Variants in ZC3H14 observed in about 807,000 individuals in gnomAD.
The protein encoded by ZC3H14 is zinc finger CCCH-type containing 14.
A neutral mutation model predicts 92.4 loss-of-function variants in ZC3H14; 31 were observed. The observed-to-expected ratio is 0.34, with a 90% confidence interval of 0.25 to 0.45. The LOEUF (loss-of-function observed/expected upper bound fraction) is 0.45. ZC3H14 is among the 20% of genes least tolerant of loss of function. ZC3H14 has a pLI of 1.00. For synonymous variants in ZC3H14, 321 were observed against 300.9 expected (o/e 1.07, Z -0.69); for missense variants, 781 against 897.3 (o/e 0.87, Z 1.66).
At position 88,618,621 on chromosome 14, in the gene ZC3H14, C is replaced by CA; in HGVS notation, c.*6871dup. ...GAAATGTAAAAGCAGAAGAACTTGCCACCTGGGTATACAGTATTGGTACTG... is the reference window on the plus strand; with the variant it reads ...GAAATGTAAAAGCAGAAGAACTTGCCAACCTGGGTATACAGTATTGGTACTG... On this transcript the variant is annotated 3_prime_UTR_variant, in exon 17 of 17. Coordinates refer to ENST00000251038, the MANE Select transcript of ZC3H14 (RefSeq NM_024824.5). 1.3e-6 allele frequency: 2 copies of CA among 1,582,922 alleles called. No homozygotes were observed. Among genetic ancestry groups the CA allele is most frequent in the Non-Finnish European group, 1.7e-6 (2 of 1,166,530 alleles).
At chr14:88,607,132 T>C (rs986344008) in intron 12 of ZC3H14, 111 bp from the exon 13 acceptor site, 14 of 1,520,022 alleles carry the variant, frequency 9.2e-6, no homozygotes, top group Non-Finnish European at 1.3e-5. Context: ...TTTATATGAC[T>C]GTACATTTAA....
At chr14:88,580,709 CTG>C (rs540475215) in intron 9 of ZC3H14, among the ~76,000 whole-genome samples, 45 of 152,210 alleles carry the variant, frequency 3.0e-4, no homozygotes, top group African/African-American at 1.1e-3. Flanking sequence ...ATGTTTGAAA[CTG>C]TTGTCTGAAA....
At chr14:88,607,460 C>G in intron 13 of ZC3H14, 97 bp downstream of exon 13, 1 of 1,403,722 alleles carries the variant, frequency 7.1e-7, no homozygotes, top group Non-Finnish European at 9.8e-7. Context: ...AAGTACCATC[C>G]CATCTCACCC....
At position 88,572,601 on chromosome 14, in the gene ZC3H14, C is replaced by T; in HGVS notation, c.455C>T (p.Ala152Val). 6.2e-7 allele frequency: 1 copy of T among 1,614,148 alleles called. No individual in the cohort carries two copies. The highest frequency in any genetic ancestry group is 1.7e-5 in the Admixed American group (1 of 60,020). The change falls in exon 6 of 17, where the codon GCA becomes GTA. Residue 152 changes from alanine (A) to valine (V), a missense_variant. Physicochemically the swap from Ala to Val is moderately conservative, Grantham distance 64. This residue lies in a region of ZC3H14 where 454 missense variants were observed against 438.5 expected (regional missense o/e 1.04). Transcript: ENST00000251038. ...NVRQTYDDGA[A>V]TRLMSTVKPL... ...AGACAGACTTACGATGATGGAGCTGCAACCCGACTAATGTCAACAGTGAAA... is the reference window on the plus strand; with the variant it reads ...AGACAGACTTACGATGATGGAGCTGTAACCCGACTAATGTCAACAGTGAAA...
At chr14:88,594,768 T>A (rs1388108834) in intron 9 of ZC3H14, 1 of 1,613,918 alleles carries the variant, frequency 6.2e-7, no homozygotes, top group South Asian at 1.1e-5. Context: ...CTCTACCAAT[T>A]TTTCTTCCAC....
chr14:88,596,000 C>T (rs371550814), intron 9 of ZC3H14, among the ~76,000 whole-genome samples: 85 of 152,292 alleles, frequency 5.6e-4, no homozygotes, highest in African/African-American at 2.0e-3. Context: ...AGCTTAACAT[C>T]AAATCGAGGA....
intron 10 of ZC3H14, among the ~76,000 whole-genome samples, chr14:88,598,903 A>G (rs1050641347): frequency 4.6e-5 from 7 of 152,260 alleles, no homozygotes; most frequent in African/African-American, 1.7e-4. Context: ...CCTGGCCAAC[A>G]TGGCGAAACC....
rs542250400 is a variant in ZC3H14, at chr14:88,571,689, C to T, written c.236-341C>T. 4.6e-5 allele frequency among the ~76,000 whole-genome samples: 7 copies of T among 152,266 alleles called. No individual in the cohort carries two copies. In the East Asian group the frequency reaches 9.7e-4, roughly 21 times the overall value. On this transcript the variant is annotated intron_variant, in intron 4 of 16. Coordinates refer to ENST00000251038, the MANE Select transcript of ZC3H14 (RefSeq NM_024824.5). ...AGTAATAAAAATAGATGGCCGGGCA[C>T]GGTGGCTCACGCCTGTAATCCCAGC...
intron 2 of ZC3H14, among the ~76,000 whole-genome samples, chr14:88,567,706 G>C (rs2079883442): frequency 6.6e-6 from 1 of 151,816 alleles, no homozygotes; most frequent in Non-Finnish European, 1.5e-5. Flanking sequence ...CTTTTTCTTG[G>C]GGAATGTTCA....
chr14:88,626,886 T>G lies in ZC3H14; in HGVS notation c.*15135T>G. ...TGGTCTGCATCCGGGCATCTTCCAGTGTGCTCAGTAGCCCTTTTTTGCTAA... is the reference window on the plus strand; with the variant it reads ...TGGTCTGCATCCGGGCATCTTCCAGGGTGCTCAGTAGCCCTTTTTTGCTAA... On this transcript the variant is annotated 3_prime_UTR_variant, in exon 17 of 17. Coordinates refer to ENST00000251038, the MANE Select transcript of ZC3H14 (RefSeq NM_024824.5). 1 of 1,613,990 alleles carries G rather than the reference T, an allele frequency of 6.2e-7. No individual in the cohort carries two copies. The highest frequency in any genetic ancestry group is 1.1e-5 in the South Asian group (1 of 91,084).
intron 9 of ZC3H14, chr14:88,595,210 CAG>C: frequency 1.3e-6 from 2 of 1,547,042 alleles, no homozygotes; most frequent in Admixed American, 4.1e-5. Context: ...GAGCAAGTTA[CAG>C]AGAACTTGAA....
intron 6 of ZC3H14, among the ~76,000 whole-genome samples, chr14:88,573,209 T>A (rs1254151828): frequency 6.6e-6 from 1 of 151,656 alleles, no homozygotes; most frequent in East Asian, 2.0e-4. Context: ...TGAAACCCCG[T>A]CTCTACTAAA....
chr14:88,618,326 A>G lies in ZC3H14; in HGVS notation c.*6575A>G, dbSNP rs1284295824. ...AGACATGCCGTTTATAGCAGCCACT[A>G]GAGACCTTTTTCATCAGATTAAAAT... On this transcript the variant is annotated 3_prime_UTR_variant, in exon 17 of 17. Transcript: ENST00000251038. The G allele has an allele frequency of 6.2e-7, 1 of 1,613,484 alleles. No homozygotes were observed. The highest frequency in any genetic ancestry group is 8.5e-7 in the Non-Finnish European group (1 of 1,179,746).
In ZC3H14 at chr14:88,620,934, TAAAA is replaced by T. The variant is rs35953031; in HGVS notation, c.*9197_*9200del. 268 of 1,371,254 alleles carry T rather than the reference TAAAA, an allele frequency of 2.0e-4. No individual in the cohort carries two copies. The highest frequency in any genetic ancestry group is 7.9e-4 in the South Asian group (49 of 62,184). The allele number at this position is 1,371,254 out of a possible 1,614,324, so 84.9% of individuals were successfully genotyped here. A position where few individuals can be genotyped will look rare whatever the true frequency, so the allele number is the denominator to read the frequency against. Reference sequence around the variant, plus strand: ...CACTTTGTTTAACATCTTCTGCATTTAAAAAAAAAAAAAAAAAGAGTCATAGGAA... The same window carrying T: ...CACTTTGTTTAACATCTTCTGCATTTAAAAAAAAAAAAAGAGTCATAGGAA... On this transcript the variant is annotated 3_prime_UTR_variant, in exon 17 of 17. Transcript: ENST00000251038. This position sits in a 1 kb window ranked among gnomAD's most constrained non-coding sequence, Gnocchi z 4.3.
chr14:88,588,654 TTCATTCTCTTCCGTGTGG>T, intron 9 of ZC3H14, among the ~76,000 whole-genome samples: 1 of 152,290 alleles, frequency 6.6e-6, no homozygotes, highest in East Asian at 1.9e-4. Flanking sequence ...AATTTGAAAA[TTCATTCTCTTCCGTGTGG>T]GAAATACTCT....
intron 10 of ZC3H14, among the ~76,000 whole-genome samples, chr14:88,597,296 G>A (rs566289038): frequency 6.6e-6 from 1 of 152,232 alleles, no homozygotes; most frequent in African/African-American, 2.4e-5. Context: ...AGACACACAT[G>A]CCAGGGGCTA....
rs995151743 is a variant in ZC3H14, at chr14:88,625,220, A to C, written c.*13469A>C. The C allele has an allele frequency of 2.8e-6, 4 of 1,407,120 alleles. No individual in the cohort carries two copies. Among genetic ancestry groups the C allele is most frequent in the Non-Finnish European group, 3.9e-6 (4 of 1,038,512 alleles). The allele number at this position is 1,407,120 out of a possible 1,614,324, so 87.2% of individuals were successfully genotyped here. On this transcript the variant is annotated 3_prime_UTR_variant, in exon 17 of 17. Coordinates refer to ENST00000251038, the MANE Select transcript of ZC3H14 (RefSeq NM_024824.5). ...TTCTATGTATGTGTAATGCTGTCTC[A>C]CCCTTGATACAAAGAGCATGCATCG... is the stretch of plus-strand genomic sequence containing the variant.
chr14:88,593,125 A>T (rs1293956292), intron 9 of ZC3H14, among the ~76,000 whole-genome samples: 2 of 151,576 alleles, frequency 1.3e-5, no homozygotes. Context: ...GCGCCACCAC[A>T]CCTGGCTGAT....
chr14:88,565,900 C>T (rs2079506075), intron 2 of ZC3H14, among the ~76,000 whole-genome samples: 1 of 151,154 alleles, frequency 6.6e-6, no homozygotes, highest in Non-Finnish European at 1.5e-5. Flanking sequence ...TGGGGTCTCA[C>T]TCTGTGGTTC....
Sources: gnomAD v4.1 joint callset for allele counts (sites outside exome capture counted in the v4.1 genomes callset) on GRCh38, gnomAD v4.1.1 for gene constraint, gnomAD v4.1.1 regional missense constraint, Gnocchi (gnomAD v3.1) non-coding constraint, MANE v1.5 for transcripts, NCBI Gene and HGNC (gene_info 2026-07-23, HGNC 2026-07-21) for gene names.